CYP7B1: variants seen among roughly 807,000 people sequenced by gnomAD.
CYP7B1 encodes cytochrome P450 7B1.
Under a neutral mutation model 42.7 loss-of-function variants are expected in CYP7B1, and 29 were observed. That is an observed-to-expected ratio of 0.68 (90% CI 0.51 to 0.93). CYP7B1 has a LOEUF of 0.93. Ranked by LOEUF, CYP7B1 falls within the 40% of genes least tolerant of loss-of-function variation. The probability of loss-of-function intolerance (pLI) is 0.00; values close to 1 mark genes in which losing one functional copy is unlikely to be tolerated. For missense variants in CYP7B1, 655 were observed against 600.5 expected (o/e 1.09, Z -0.95); for synonymous variants, 235 against 218.2 (o/e 1.08, Z -0.68).
rs146943707 is a variant in CYP7B1, at chr8:64,794,296, C to A, written c.122+4170G>T. The stretch of plus-strand genomic sequence containing the variant: ...TCAGGGAAGACCCCAAAAAGCCCAG[C>A]GGAAGGGATCTGCTGGAAGTCTGCA... On this transcript the variant is annotated intron_variant, in intron 1 of 5. Transcript: ENST00000310193. Among the ~76,000 whole-genome samples, 862 of 152,286 alleles carry A rather than the reference C, an allele frequency of 5.7e-3. 5 individuals are homozygous for A. The highest frequency in any genetic ancestry group is 0.01 in the Middle Eastern group (3 of 290).
chr8:64,610,585 T>C (rs550892669), intron 4 of CYP7B1, among the ~76,000 whole-genome samples: 4 of 152,280 alleles, frequency 2.6e-5, no homozygotes, highest in African/African-American at 9.6e-5. Context: ...GGGGGATATA[T>C]AGGAATGCTC....
chr8:64,764,226 G>A (rs1807935295), intron 1 of CYP7B1, among the ~76,000 whole-genome samples: 1 of 18,366 alleles, frequency 5.4e-5, no homozygotes, highest in Admixed American at 4.2e-4. Context: ...CAGCTTCCAC[G>A]CTGCCCCCCC....
chr8:64,742,880 T>G (rs1220165277), intron 1 of CYP7B1, among the ~76,000 whole-genome samples: 1 of 152,252 alleles, frequency 6.6e-6, no homozygotes, highest in Non-Finnish European at 1.5e-5. Context: ...TCCTACTCTT[T>G]GCATACTTTA....
intron 1 of CYP7B1, among the ~76,000 whole-genome samples, chr8:64,768,560 G>C (rs1804151863): frequency 6.6e-6 from 1 of 152,118 alleles, no homozygotes; most frequent in Non-Finnish European, 1.5e-5. Context: ...TCACATATGA[G>C]AGAAAAAGAA....
intron 1 of CYP7B1, among the ~76,000 whole-genome samples, chr8:64,693,352 C>T (rs924483933): frequency 2.0e-5 from 3 of 152,190 alleles, no homozygotes; most frequent in African/African-American, 7.2e-5. Flanking sequence ...TATGTGCATA[C>T]AGGCATGTGT....
chr8:64,638,796 T>C (rs1452845315), intron 1 of CYP7B1, among the ~76,000 whole-genome samples: 4 of 152,026 alleles, frequency 2.6e-5, no homozygotes, highest in East Asian at 3.9e-4. Context: ...AGAGAGAACC[T>C]AGGGCAAAGA....
intron 1 of CYP7B1, among the ~76,000 whole-genome samples, chr8:64,757,448 A>T (rs1365084921): frequency 6.6e-6 from 1 of 152,206 alleles, no homozygotes; most frequent in Admixed American, 6.5e-5. Context: ...GGATAGTGAG[A>T]GGGAAAGTTC....
chr8:64,765,493 C>T (rs996910955), intron 1 of CYP7B1, among the ~76,000 whole-genome samples: 1 of 152,198 alleles, frequency 6.6e-6, no homozygotes, highest in African/African-American at 2.4e-5. Context: ...CTCTAGGACT[C>T]ACCCCTGAGC....
intron 1 of CYP7B1, among the ~76,000 whole-genome samples, chr8:64,628,484 A>C (rs1435684380): frequency 3.3e-5 from 5 of 151,932 alleles, no homozygotes; most frequent in Admixed American, 2.0e-4. Context: ...TTTCTCTACT[A>C]AAACTGCAAA....
intron 1 of CYP7B1, among the ~76,000 whole-genome samples, chr8:64,721,376 AT>A (rs1188754645): frequency 6.6e-6 from 1 of 152,208 alleles, no homozygotes; most frequent in East Asian, 1.9e-4. Flanking sequence ...ATTTAAAAAA[AT>A]CATAGCTTCT....
At chr8:64,797,156 C>T (rs991118503) in intron 1 of CYP7B1, among the ~76,000 whole-genome samples, 1 of 152,110 alleles carries the variant, frequency 6.6e-6, no homozygotes, top group Non-Finnish European at 1.5e-5. Context: ...GAAGAGAAAG[C>T]CTACCTTGCC....
chr8:64,625,907 A>G (rs1805602894), intron 1 of CYP7B1, among the ~76,000 whole-genome samples: 1 of 151,960 alleles, frequency 6.6e-6, no homozygotes, highest in Non-Finnish European at 1.5e-5. Flanking sequence ...TAATAAAGGT[A>G]TAGAGGGATG....
At chr8:64,770,389 T>C (rs1218876425) in intron 1 of CYP7B1, among the ~76,000 whole-genome samples, 1 of 152,156 alleles carries the variant, frequency 6.6e-6, no homozygotes, top group African/African-American at 2.4e-5. Flanking sequence ...GTCTTCAATC[T>C]CAGAGCTGAG....
downstream of CYP7B1, chr8:64,589,803 T>C (rs77077577): frequency 3.8e-3 from 575 of 152,336 alleles, 4 homozygotes; most frequent in African/African-American, 0.013. Context: ...TACCTTTACC[T>C]GTTATTTCCA....
At chr8:64,628,365 G>A (rs974096242) in intron 1 of CYP7B1, among the ~76,000 whole-genome samples, 2 of 152,126 alleles carry the variant, frequency 1.3e-5, no homozygotes, top group African/African-American at 4.8e-5. Flanking sequence ...ACAAATTTTG[G>A]AGACGGGGAG....
At chr8:64,738,539 C>A (rs1807523502) in intron 1 of CYP7B1, among the ~76,000 whole-genome samples, 1 of 151,918 alleles carries the variant, frequency 6.6e-6, no homozygotes, top group African/African-American at 2.4e-5. Flanking sequence ...CAAGAAAACA[C>A]ACACACACGC....
intron 1 of CYP7B1, among the ~76,000 whole-genome samples, chr8:64,737,021 C>A (rs1410634176): frequency 6.6e-6 from 1 of 152,162 alleles, no homozygotes; most frequent in African/African-American, 2.4e-5. Context: ...ATTAATGAGA[C>A]AGAAAACATT....
At chr8:64,738,641 A>G (rs2129633230) in intron 1 of CYP7B1, among the ~76,000 whole-genome samples, 1 of 152,276 alleles carries the variant, frequency 6.6e-6, no homozygotes, top group East Asian at 1.9e-4. Flanking sequence ...CCAATATGTA[A>G]AGAGCTGGGA....
intron 1 of CYP7B1, among the ~76,000 whole-genome samples, chr8:64,684,009 T>C (rs150308465): frequency 6.6e-6 from 1 of 152,310 alleles, no homozygotes; most frequent in African/African-American, 2.4e-5. Flanking sequence ...TCACACTCTC[T>C]CCCTTACCTT....
Sources: gnomAD v4.1 joint callset for allele counts (sites outside exome capture counted in the v4.1 genomes callset) on GRCh38, gnomAD v4.1.1 for gene constraint, MANE v1.5 for transcripts, NCBI Gene and HGNC (gene_info 2026-07-23, HGNC 2026-07-21) for gene names.